Variants in HIRA observed in about 807,000 individuals in gnomAD.
The protein encoded by HIRA is protein HIRA.
HIRA carries 13 observed loss-of-function variants against 126.6 expected under a neutral mutation model. That is an observed-to-expected ratio of 0.10 (90% confidence interval 0.07 to 0.16). HIRA has a LOEUF of 0.16. Ranked by LOEUF, HIRA falls within the 10% of genes least tolerant of loss-of-function variation. The pLI, the probability that HIRA is intolerant of heterozygous loss-of-function variation, is 1.00. For missense variants in HIRA, 834 were observed against 1,314.4 expected, an observed-to-expected ratio of 0.63 and a Z score of 5.65; for synonymous variants, 511 against 520.0, an observed-to-expected ratio of 0.98 and a Z score of 0.24.
chr22:19,417,829 A>G (rs1005907912), intron 1 of HIRA, among the ~76,000 whole-genome samples: 1 of 152,246 alleles, frequency 6.6e-6, no homozygotes, highest in African/African-American at 2.4e-5. Flanking sequence ...ACTACAGCCA[A>G]GAGGTGGAAG....
At chr22:19,358,148 T>C (rs551785029) in intron 18 of HIRA, among the ~76,000 whole-genome samples, 3 of 152,256 alleles carry the variant, frequency 2.0e-5, no homozygotes, top group South Asian at 4.2e-4. Flanking sequence ...TACAGGCACA[T>C]GCTACCACGC....
At chr22:19,395,489 G>A (rs2146229215) in intron 7 of HIRA, among the ~76,000 whole-genome samples, 1 of 152,298 alleles carries the variant, frequency 6.6e-6, no homozygotes, top group Non-Finnish European at 1.5e-5. Flanking sequence ...AACTCCAGAA[G>A]GAGCAAAAGC....
chr22:19,353,274 C>G lies in HIRA; in HGVS notation c.2848+82G>C, dbSNP rs966808549. On this transcript the variant is annotated intron_variant, in intron 23 of 24. Transcript: ENST00000263208. ...GCTGCTGGGCCATCACATCTTTTCC[C>G]TGATTTCACAGGGACTAAGTGAGGC... is the stretch of plus-strand genomic sequence containing the variant. 7.2e-5 allele frequency: 111 copies of G among 1,551,338 alleles called. 1 individual carries two copies. In the African/African-American group the frequency reaches 1.5e-3, roughly 20 times the overall value.
chr22:19,360,200 C>A (rs2088850868), intron 17 of HIRA, among the ~76,000 whole-genome samples: 1 of 152,072 alleles, frequency 6.6e-6, no homozygotes, highest in South Asian at 2.1e-4. Flanking sequence ...GGGCCGAGGG[C>A]TGACTGCCCC....
chr22:19,352,820 G>A (rs1312022421), intron 23 of HIRA, among the ~76,000 whole-genome samples: 1 of 152,246 alleles, frequency 6.6e-6, no homozygotes, highest in Non-Finnish European at 1.5e-5. Context: ...AAGTTGGTAA[G>A]GCTATTGGAG....
chr22:19,353,905 C>T, intron 22 of HIRA, 91 bp downstream of exon 22: 1 of 1,479,234 alleles, frequency 6.8e-7, no homozygotes, highest in East Asian at 2.4e-5. Context: ...CAGGTGGAGA[C>T]CAGGCCTGGG....
chr22:19,379,161 C>T lies in HIRA; in HGVS notation c.1416-1095G>A, dbSNP rs182573400. ...TCCTGCCTCAGCCTCCCGAGTATCC[C>T]GCCACCATGCCCGGCTAATTTTTTG... On this transcript the variant is annotated intron_variant, in intron 13 of 24. Coordinates refer to ENST00000263208, the MANE Select transcript of HIRA (RefSeq NM_003325.4). 3.9e-3 allele frequency among the ~76,000 whole-genome samples: 593 copies of T among 151,628 alleles called. 4 individuals carry two copies. Among genetic ancestry groups the T allele is most frequent in the African/African-American group, 0.014 (571 of 41,440 alleles).
At chr22:19,427,524 G>A (rs2089497912) in intron 1 of HIRA, among the ~76,000 whole-genome samples, 1 of 152,198 alleles carries the variant, frequency 6.6e-6, no homozygotes, top group Admixed American at 6.5e-5. Context: ...ACACAAGGTA[G>A]GGGTAAAAAT....
At chr22:19,332,722 G>C (rs1556004897) in intron 24 of HIRA, among the ~76,000 whole-genome samples, 2 of 146,870 alleles carry the variant, frequency 1.4e-5, no homozygotes, top group Non-Finnish European at 3.0e-5. Flanking sequence ...TACTGTATTA[G>C]AGAACATGAA....
At chr22:19,349,891 C>G (rs1432145734) in intron 24 of HIRA, among the ~76,000 whole-genome samples, 1 of 152,238 alleles carries the variant, frequency 6.6e-6, no homozygotes, top group Non-Finnish European at 1.5e-5. Flanking sequence ...TTTGCACTTT[C>G]CCTCTGCCTG....
rs1031460484 is a variant in HIRA at position 19,374,600 on chromosome 22, C to T, written c.1775+1031G>A. ...GAACTGTTTTCCAAGGAGAATAAAT[C>T]CTGTCCAGACATGCAGTTCTGGACA... On this transcript the variant is annotated intron_variant, in intron 15 of 24. Coordinates refer to ENST00000263208, the MANE Select transcript of HIRA (RefSeq NM_003325.4). Among the ~76,000 whole-genome samples the T allele has an allele frequency of 2.0e-5, 3 of 152,198 alleles. No individual in the cohort carries two copies. In the South Asian group the frequency reaches 6.2e-4, roughly 32 times the overall value.
intron 10 of HIRA, 81 bp from the exon 11 acceptor site, chr22:19,387,897 G>T: frequency 2.3e-6 from 2 of 886,160 alleles, no homozygotes; most frequent in South Asian, 1.4e-5. Context: ...CTGTGAGGAT[G>T]GTGGGCAGTG....
At chr22:19,387,947 GC>G in intron 10 of HIRA, 131 bp from the exon 11 acceptor site, 1 of 91,988 alleles carries the variant, frequency 1.1e-5, no homozygotes, top group Non-Finnish European at 3.1e-5. Flanking sequence ...CCCTTCTGTG[GC>G]CTGGTTCCCT....
chr22:19,411,233 T>C (rs1260092865), intron 1 of HIRA, among the ~76,000 whole-genome samples: 1 of 152,214 alleles, frequency 6.6e-6, no homozygotes, highest in Non-Finnish European at 1.5e-5. Context: ...CAGCCCTCTT[T>C]TGTTTGTGCT....
chr22:19,387,436 C>A (rs1408165675), intron 11 of HIRA, among the ~76,000 whole-genome samples: 8 of 152,182 alleles, frequency 5.3e-5, no homozygotes, highest in Admixed American at 5.2e-4. Context: ...AGGGCAAAAA[C>A]CTCCCAGTGG....
chr22:19,391,001 C>T (rs1421935670), intron 9 of HIRA, among the ~76,000 whole-genome samples: 1 of 151,438 alleles, frequency 6.6e-6, no homozygotes, highest in African/African-American at 2.4e-5. Context: ...TAGGTATGTA[C>T]TCATAAATGA....
intron 13 of HIRA, among the ~76,000 whole-genome samples, chr22:19,380,581 C>T (rs565345677): frequency 1.2e-3 from 184 of 152,250 alleles, no homozygotes; most frequent in African/African-American, 4.2e-3. Flanking sequence ...ATATTTCGGC[C>T]ATTCCTATTT....
intron 15 of HIRA, among the ~76,000 whole-genome samples, chr22:19,362,770 A>G (rs907625862): frequency 1.3e-5 from 2 of 151,434 alleles, no homozygotes; most frequent in Non-Finnish European, 2.9e-5. Flanking sequence ...CATGTTGGCC[A>G]GGCCAGTCTT....
chr22:19,369,252 G>A (rs375798033), intron 15 of HIRA, among the ~76,000 whole-genome samples: 7 of 152,136 alleles, frequency 4.6e-5, no homozygotes, highest in Admixed American at 3.3e-4. Flanking sequence ...ACCCAGGGCT[G>A]CTACCCTGTA....
Sources: gnomAD v4.1 joint callset for allele counts (sites outside exome capture counted in the v4.1 genomes callset) on GRCh38, gnomAD v4.1.1 for gene constraint, MANE v1.5 for transcripts, NCBI Gene and HGNC (gene_info 2026-07-23, HGNC 2026-07-21) for gene names.